Variants in FRMD5 observed in about 807,000 individuals in gnomAD.
FRMD5 encodes the protein FERM domain containing 5, also known as FERM domain-containing protein 5.
In FRMD5, 20 loss-of-function variants were observed where a neutral mutation model predicts 69.0. That is an observed-to-expected ratio of 0.29 (90% confidence interval 0.20 to 0.42). The LOEUF (loss-of-function observed/expected upper bound fraction) is 0.42, where lower values mean the gene tolerates loss of function less well. FRMD5 is among the 10% of genes least tolerant of loss of function. FRMD5 has a pLI of 1.00. For synonymous variants in FRMD5, 271 were observed against 260.1 expected, an observed-to-expected ratio of 1.04 and a Z score of -0.40; for missense variants, 595 against 708.6, an observed-to-expected ratio of 0.84 and a Z score of 1.82.
Position 43,874,198 on chromosome 15 carries a change from G to C in FRMD5, c.1400C>G (p.Pro467Arg). 1 of 1,614,218 alleles carries C rather than the reference G, an allele frequency of 6.2e-7. No homozygotes were observed. Among genetic ancestry groups the C allele is most frequent in the East Asian group, 2.2e-5 (1 of 44,872 alleles). The change falls in exon 14 of 14, where the codon CCA becomes CGA. Residue 467 changes from proline (P) to arginine (R), a missense_variant. This residue lies in a region of FRMD5 where 245 missense variants were observed against 227.1 expected (regional missense o/e 1.08). Transcript: ENST00000417257. ...EEEKESEAST[P>R]TATEVEALGG... ...AAGGGCCTCCACCTCTGTAGCAGTT[G>C]GGGTGCTGGCTTCAGATTCCTTCTC...
At chr15:43,875,623 G>A (rs1427250231) in intron 13 of FRMD5, among the ~76,000 whole-genome samples, 4 of 150,920 alleles carry the variant, frequency 2.7e-5, no homozygotes, top group Non-Finnish European at 5.9e-5. Flanking sequence ...GAATACAGGT[G>A]TCTGCCACCA....
chr15:43,988,131 C>T (rs775962557), intron 1 of FRMD5, among the ~76,000 whole-genome samples: 6 of 152,146 alleles, frequency 3.9e-5, no homozygotes, highest in South Asian at 2.1e-4. Flanking sequence ...TGATGGGGAG[C>T]GGCTGTAAAT....
intron 1 of FRMD5, among the ~76,000 whole-genome samples, chr15:44,188,511 T>C (rs1424747786): frequency 6.6e-6 from 1 of 152,208 alleles, no homozygotes; most frequent in Admixed American, 6.5e-5. Context: ...GAAGACTTGT[T>C]AAACAGACTG....
chr15:43,943,917 C>T (rs1077421), intron 1 of FRMD5, among the ~76,000 whole-genome samples: 28,569 of 152,166 alleles, frequency 0.19, 4,090 homozygotes, highest in African/African-American at 0.4. Flanking sequence ...AAGTTCCACA[C>T]TGTCCATGAA....
At chr15:44,062,689 CAAA>C (rs35998128) in intron 1 of FRMD5, among the ~76,000 whole-genome samples, 5 of 118,104 alleles carry the variant, frequency 4.2e-5, no homozygotes, top group Admixed American at 9.0e-5. Context: ...GACTCTGTCT[CAAA>C]AAAAAAAAAA....
chr15:44,066,404 A>G (rs913135639), intron 1 of FRMD5, among the ~76,000 whole-genome samples: 1 of 152,146 alleles, frequency 6.6e-6, no homozygotes, highest in African/African-American at 2.4e-5. Flanking sequence ...GGATTCAAAG[A>G]TTGGAGAGCG....
intron 7 of FRMD5, among the ~76,000 whole-genome samples, chr15:43,897,008 C>T (rs1355582493): frequency 6.6e-6 from 1 of 151,964 alleles, no homozygotes; most frequent in East Asian, 1.9e-4. Flanking sequence ...GGAGGAGGCA[C>T]CCTGTAAGAG....
chr15:44,122,765 G>A (rs1246083621), intron 1 of FRMD5, among the ~76,000 whole-genome samples: 5 of 151,936 alleles, frequency 3.3e-5, no homozygotes, highest in African/African-American at 4.8e-5. Context: ...TTAGCTAGGC[G>A]TGGTGGCGGG....
intron 1 of FRMD5, among the ~76,000 whole-genome samples, chr15:43,979,335 CA>C (rs34106212): frequency 0.017 from 2,162 of 126,580 alleles, 19 homozygotes; most frequent in South Asian, 0.02. Context: ...AACTCTGTCT[CA>C]AAAAAAAAAA....
intron 1 of FRMD5, among the ~76,000 whole-genome samples, chr15:43,997,322 A>G (rs369614570): frequency 2.6e-5 from 4 of 152,132 alleles, no homozygotes; most frequent in Non-Finnish European, 4.4e-5. Flanking sequence ...CCTCTCCCCA[A>G]TCCACACCCA....
chr15:44,067,601 G>A (rs562552346), intron 1 of FRMD5, among the ~76,000 whole-genome samples: 67 of 152,222 alleles, frequency 4.4e-4, no homozygotes, highest in African/African-American at 1.5e-3. Context: ...GAGGGTGGAG[G>A]GCAGAGACAA....
At chr15:44,012,293 CCTGA>C (rs1326391087) in intron 1 of FRMD5, among the ~76,000 whole-genome samples, 2 of 152,176 alleles carry the variant, frequency 1.3e-5, no homozygotes, top group Non-Finnish European at 2.9e-5. Context: ...CCAAAGTCTT[CCTGA>C]CTATCACAGA....
chr15:44,122,197 G>C (rs969165640), intron 1 of FRMD5, among the ~76,000 whole-genome samples: 4 of 152,022 alleles, frequency 2.6e-5, no homozygotes, highest in Non-Finnish European at 4.4e-5. Context: ...TAAGGAAAGA[G>C]ACAAACTGTT....
At chr15:43,884,645 G>A (rs1424967198) in intron 12 of FRMD5, 82 bp downstream of exon 12, 2 of 1,274,832 alleles carry the variant, frequency 1.6e-6, no homozygotes, top group Admixed American at 1.9e-5. Flanking sequence ...TGGAGCCAGG[G>A]GCTTCACAGT....
intron 1 of FRMD5, among the ~76,000 whole-genome samples, chr15:44,004,415 G>C (rs1182415676): frequency 6.6e-6 from 1 of 152,270 alleles, no homozygotes; most frequent in East Asian, 1.9e-4. Flanking sequence ...CATCCAGCAA[G>C]TCTACTAGCA....
At chr15:43,885,539 A>G in intron 11 of FRMD5, 142 bp downstream of exon 11, 1 of 698,448 alleles carries the variant, frequency 1.4e-6, no homozygotes, top group South Asian at 1.7e-5. Context: ...TAAAAGGGTC[A>G]TAAGATGGGA....
chr15:43,989,042 C>A, intron 1 of FRMD5: 1 of 834,974 alleles, frequency 1.2e-6, no homozygotes, highest in Non-Finnish European at 2.1e-6. Context: ...GGGTGTAACG[C>A]AACTAAGTCA....
intron 1 of FRMD5, among the ~76,000 whole-genome samples, chr15:43,949,391 G>T (rs1282177171): frequency 1.3e-5 from 2 of 152,148 alleles, no homozygotes; most frequent in Admixed American, 1.3e-4. Flanking sequence ...TCCACCCAGT[G>T]ATATAATTAT....
intron 1 of FRMD5, among the ~76,000 whole-genome samples, chr15:43,959,327 AAT>A (rs1156536254): frequency 6.6e-6 from 1 of 152,252 alleles, no homozygotes; most frequent in East Asian, 1.9e-4. Context: ...TCGAAGACGA[AAT>A]ATTTTAAGGT....
Sources: allele counts gnomAD v4.1 joint callset (sites outside exome capture counted in the v4.1 genomes callset), GRCh38; gene constraint gnomAD v4.1.1; regional missense constraint gnomAD v4.1.1; transcripts MANE v1.5; gene names NCBI Gene and HGNC (gene_info 2026-07-23, HGNC 2026-07-21).